BCL3: variants seen among roughly 807,000 people sequenced by gnomAD.
BCL3 encodes the protein B-cell lymphoma 3 protein.
A neutral mutation model predicts 35.7 loss-of-function variants in BCL3; 15 were observed. That is an observed-to-expected ratio of 0.42 (90% CI 0.28 to 0.65). The LOEUF is 0.65. Ranked by LOEUF, BCL3 falls within the 30% of genes least tolerant of loss-of-function variation. BCL3 has a pLI of 0.22. For missense variants in BCL3, 565 were observed against 641.7 expected (o/e 0.88, Z 1.29); for synonymous variants, 311 against 284.3 (o/e 1.09, Z -0.95).
intron 1 of BCL3, 80 bp from the exon 2 acceptor site, chr19:44,751,145 CAA>C (rs1967170446): frequency 6.6e-7 from 1 of 1,524,566 alleles, no homozygotes; most frequent in Non-Finnish European, 8.8e-7. Flanking sequence ...ACCACAGGAG[CAA>C]AGTTTTAGAA....
chr19:44,757,088 C>G lies in BCL3; in HGVS notation c.591C>G (p.Ser197Arg), dbSNP rs1453723763. The G allele has an allele frequency of 6.2e-7, 1 of 1,609,436 alleles. No individual in the cohort carries two copies. Among genetic ancestry groups the G allele is most frequent in the South Asian group, 1.1e-5 (1 of 90,582 alleles). ...GGCTCCTGGTGACAGCTGGTGCCAG[C>G]CCCATGGCGCTGGACCGCCATGGCC... ...VVRLLVTAGASPMALDRHGQT... is the reference protein window; with the variant it reads ...VVRLLVTAGARPMALDRHGQT... The change falls in exon 4 of 9, where the codon AGC becomes AGG. Residue 197 changes from serine (S) to arginine (R), a missense_variant. Around this residue, in one of 5 missense-constraint regions of BCL3, gnomAD observed 267 missense variants for 281.5 expected, o/e 0.95. Coordinates refer to ENST00000164227, the MANE Select transcript of BCL3 (RefSeq NM_005178.5). The surrounding 1 kb of genome is among the most constrained non-coding windows in gnomAD (Gnocchi z 8.4).
intron 1 of BCL3, 23 bp from the exon 2 acceptor site, chr19:44,751,204 C>T (rs1305678838): frequency 3.8e-6 from 6 of 1,595,300 alleles, no homozygotes; most frequent in Non-Finnish European, 3.4e-6. Flanking sequence ...ACCCATGTCC[C>T]TTCTCTGTCC....
chr19:44,751,161 G>T, intron 1 of BCL3, 66 bp from the exon 2 acceptor site: 1 of 1,548,986 alleles, frequency 6.5e-7, no homozygotes, highest in Non-Finnish European at 8.7e-7. Context: ...TTTAGAAGTG[G>T]GGGGCGGGTT....
At chr19:44,748,448 C>T (rs1599835536), upstream of BCL3, 1 of 154,766 alleles carries the variant, frequency 6.5e-6, no homozygotes. Flanking sequence ...CCCCCGACCC[C>T]GCCTCCTCTC....
upstream of BCL3, chr19:44,748,529 G>A: frequency 4.6e-6 from 1 of 216,488 alleles, no homozygotes; most frequent in Non-Finnish European, 8.0e-6. Context: ...GCCGGGAGGG[G>A]GCAAGCGGGG....
chr19:44,754,642 A>G (rs1441644843), intron 2 of BCL3, among the ~76,000 whole-genome samples: 1 of 151,582 alleles, frequency 6.6e-6, no homozygotes, highest in Non-Finnish European at 1.5e-5. Flanking sequence ...GTCTGCCCTC[A>G]CTTAACCCTG....
At position 44,757,874 on chromosome 19, in the gene BCL3, C is replaced by A; in HGVS notation, c.891+151C>A. ...CTGATCCTTTAAGGCCTAGTTTTCT[C>A]GACCCTCGGGCTCCACGCCCCTGGC... On this transcript the variant is annotated intron_variant, in intron 6 of 8. Coordinates refer to ENST00000164227, the MANE Select transcript of BCL3 (RefSeq NM_005178.5). This position sits in a 1 kb window ranked among gnomAD's most constrained non-coding sequence, Gnocchi z 8.4. 2 of 775,170 alleles carry A rather than the reference C, an allele frequency of 2.6e-6. No individual in the cohort carries two copies. Among genetic ancestry groups the A allele is most frequent in the Non-Finnish European group, 4.1e-6 (2 of 489,802 alleles). The allele number at this position is 775,170 out of a possible 1,614,324, so 48.0% of individuals were successfully genotyped here. A position where few individuals can be genotyped will look rare whatever the true frequency, so the allele number is the denominator to read the frequency against.
intron 2 of BCL3, among the ~76,000 whole-genome samples, chr19:44,752,250 G>T (rs1456970729): frequency 6.6e-6 from 1 of 150,412 alleles, no homozygotes; most frequent in East Asian, 1.9e-4. Flanking sequence ...ACCCAGGCTG[G>T]AGTGCAGTGG....
At chr19:44,750,185 C>T (rs1348315258) in intron 1 of BCL3, among the ~76,000 whole-genome samples, 1 of 152,234 alleles carries the variant, frequency 6.6e-6, no homozygotes, top group Non-Finnish European at 1.5e-5. Context: ...CTGCCACGGC[C>T]TCCCAGCTTT....
chr19:44,748,212 G>A (rs1406812934), upstream of BCL3: 5 of 557,456 alleles, frequency 9.0e-6, no homozygotes, highest in Non-Finnish European at 1.4e-5. Flanking sequence ...CAACTGAGAG[G>A]CAGAGAGATG....
rs1468375285 is a variant in BCL3, at chr19:44,757,460, G to A, written c.813+45G>A. 6.5e-7 allele frequency: 1 copy of A among 1,540,028 alleles called. No individual in the cohort carries two copies. On this transcript the variant is annotated intron_variant, in intron 5 of 8. Coordinates refer to ENST00000164227, the MANE Select transcript of BCL3 (RefSeq NM_005178.5). The surrounding 1 kb of genome is among the most constrained non-coding windows in gnomAD (Gnocchi z 8.4). ...TGGGAGGGAGCGGGGCCTTAGCAGG[G>A]GCGGGGTCTTGGCGGGGGCGGGGCC...
chr19:44,755,747 G>T (rs1017005462), intron 2 of BCL3, among the ~76,000 whole-genome samples: 1 of 152,044 alleles, frequency 6.6e-6, no homozygotes, highest in Non-Finnish European at 1.5e-5. Flanking sequence ...GTGAAACCAT[G>T]TCTCTACTAA....
At position 44,760,042 on chromosome 19, in the gene BCL3, A is replaced by G; in HGVS notation, c.*427A>G. The G allele has an allele frequency of 8.4e-6, 2 of 237,054 alleles. No individual in the cohort carries two copies. Among genetic ancestry groups the G allele is most frequent in the Non-Finnish European group, 1.6e-5 (2 of 121,882 alleles). The allele number at this position is 237,054 out of a possible 1,614,324, so 14.7% of individuals were successfully genotyped here. On this transcript the variant is annotated 3_prime_UTR_variant, in exon 9 of 9. Coordinates refer to ENST00000164227, the MANE Select transcript of BCL3 (RefSeq NM_005178.5). ...TTTTGTAATAAACTATTTTTGTACCATATCCCTTGGGTGCATGGGCCTCTT... is the reference window on the plus strand; with the variant it reads ...TTTTGTAATAAACTATTTTTGTACCGTATCCCTTGGGTGCATGGGCCTCTT...
chr19:44,758,739 A>AG lies in BCL3; in HGVS notation c.1080dup (p.Lys361GlufsTer16). ...CTTCCTACAGGTCATCGACATCCTGAGGGGGAAGGCCACCCGGCCTGCTTC... is the reference window on the plus strand; with the variant it reads ...CTTCCTACAGGTCATCGACATCCTGAGGGGGGAAGGCCACCCGGCCTGCTTC... On this transcript the variant is annotated frameshift_variant, in exon 8 of 9. Transcript: ENST00000164227. LOFTEE classifies it high-confidence loss of function. The AG allele has an allele frequency of 6.2e-7, 1 of 1,602,512 alleles. No individual in the cohort carries two copies.
chr19:44,759,536 C>A lies in BCL3; in HGVS notation c.1286C>A (p.Pro429His). 1 of 1,613,540 alleles carries A rather than the reference C, an allele frequency of 6.2e-7. No homozygotes were observed. Among genetic ancestry groups the A allele is most frequent in the East Asian group, 2.2e-5 (1 of 44,812 alleles). Residue 429 changes from proline to histidine, a missense_variant, in exon 9 of 9, where the codon CCC (proline) becomes CAC (histidine). By Grantham distance (77) the Pro-to-His change is moderately conservative. Coordinates refer to ENST00000164227, the MANE Select transcript of BCL3 (RefSeq NM_005178.5). ...TTCTTCCTTCCTTCCCCATCTCCAC[C>A]CGCCTTCCTGCCCTTTGCTGGGGTC... Reference protein sequence around the residue: ...PNFFLPSPSPPAFLPFAGVLR... With the variant: ...PNFFLPSPSPHAFLPFAGVLR...
rs868852688 is a variant in BCL3 at position 44,757,209 on chromosome 19, C to A, written c.712C>A (p.Arg238Ser). The change falls in exon 4 of 9, where the codon CGC (arginine) becomes AGC (serine). Residue 238 changes from arginine to serine, a missense_variant. Transcript: ENST00000164227. The surrounding 1 kb of genome is among the most constrained non-coding windows in gnomAD (Gnocchi z 8.4). ...AAPGTLDLEA[R>S]NYDGLTALHV... The stretch of plus-strand genomic sequence containing the variant: ...TCCGGGCACGTTGGACCTGGAGGCC[C>A]GCAATTATGACGGTAAGCATTTACC... The A allele has an allele frequency of 5.1e-6, 8 of 1,554,400 alleles. No individual in the cohort carries two copies. The highest frequency in any genetic ancestry group is 2.4e-5 in the East Asian group (1 of 41,360).
In BCL3 at chr19:44,757,718, C is replaced by T. The variant is rs764381744; in HGVS notation, c.886C>T (p.Leu296=). 14 of 1,613,700 alleles carry T rather than the reference C, an allele frequency of 8.7e-6. No homozygotes were observed. Among genetic ancestry groups the T allele is most frequent in the Non-Finnish European group, 9.3e-6 (11 of 1,179,880 alleles). The change falls in exon 6 of 9, where the codon CTG becomes TTG. Residue 296 remains leucine (L), a synonymous_variant. Coordinates refer to ENST00000164227, the MANE Select transcript of BCL3 (RefSeq NM_005178.5). The surrounding 1 kb of genome is among the most constrained non-coding windows in gnomAD (Gnocchi z 8.4). ...CAGCCTTAGCATGGTGCAGCTGCTG[C>T]TGCAGGTGCGTACAGCCCCCCTGAG... ...NNSLSMVQLL[L]QHGANVNAQM...
upstream of BCL3, chr19:44,748,535 C>G (rs955715412): frequency 4.2e-6 from 1 of 236,134 alleles, no homozygotes; most frequent in South Asian, 1.5e-4. Context: ...AGGGGGCAAG[C>G]GGGGCGCGGC....
chr19:44,758,837 C>A lies in BCL3; in HGVS notation c.1173C>A (p.Ser391=). The part of the protein sequence containing the change: ...TSPESSSRLS[S]NGLLSASPSS... ...CCGAGAGCAGCAGCCGCCTCAGCTCCAATGGTGAGAAACCGTTCCCAACCT... is the reference window on the plus strand; with the variant it reads ...CCGAGAGCAGCAGCCGCCTCAGCTCAAATGGTGAGAAACCGTTCCCAACCT... The change falls in exon 8 of 9, where the codon TCC becomes TCA. Residue 391 remains serine (S), a synonymous_variant. Coordinates refer to ENST00000164227, the MANE Select transcript of BCL3 (RefSeq NM_005178.5). 1 of 1,594,042 alleles carries A rather than the reference C, an allele frequency of 6.3e-7. No individual in the cohort carries two copies.
Sources: gnomAD v4.1 joint callset for allele counts (sites outside exome capture counted in the v4.1 genomes callset) on GRCh38, gnomAD v4.1.1 for gene constraint, gnomAD v4.1.1 regional missense constraint, Gnocchi (gnomAD v3.1) non-coding constraint, MANE v1.5 for transcripts, NCBI Gene and HGNC (gene_info 2026-07-23, HGNC 2026-07-21) for gene names.